The following GCNT4 variants were observed in gnomAD, a reference collection of about 807,000 sequenced individuals.
GCNT4 encodes the protein glucosaminyl (N-acetyl) transferase 4.
GCNT4 carries 17 observed loss-of-function variants against 31.3 expected under a neutral mutation model. The observed-to-expected ratio is 0.54, with a 90% confidence interval of 0.37 to 0.81. The LOEUF (loss-of-function observed/expected upper bound fraction) is 0.81. Among genes scored for constraint, GCNT4 ranks in the 40% least tolerant of loss-of-function variants. The pLI is 0.00. For synonymous variants in GCNT4, 158 were observed against 190.6 expected, an observed-to-expected ratio of 0.83 and a Z score of 1.41; for missense variants, 503 against 525.5, an observed-to-expected ratio of 0.96 and a Z score of 0.42.
chr5:75,041,005 A>T (rs1743303748), intron 3 of GCNT4, among the ~76,000 whole-genome samples: 1 of 152,208 alleles, frequency 6.6e-6, no homozygotes, highest in African/African-American at 2.4e-5. Flanking sequence ...GTTATTTAAA[A>T]GACAGCCAAG....
chr5:75,032,558 C>T (rs1446483578), intron 3 of GCNT4, among the ~76,000 whole-genome samples: 2 of 152,204 alleles, frequency 1.3e-5, no homozygotes, highest in Non-Finnish European at 2.9e-5. Context: ...TCCATCCTTT[C>T]TTCTCCATCC....
Position 75,029,915 on chromosome 5 carries a change from T to G in GCNT4, c.123A>C (p.Lys41Asn), listed in dbSNP as rs1743025752. 6.2e-7 allele frequency: 1 copy of G among 1,614,064 alleles called. No individual in the cohort carries two copies. The highest frequency in any genetic ancestry group is 8.5e-7 in the Non-Finnish European group (1 of 1,180,026). ...GGGAGTACTCAACCAAGTAAATGTC[T>G]TTTTGCGGAAAGAGTCGTCTCACAT... ...LLNVRRLFPQKDIYLVEYSLS... is the reference protein window; with the variant it reads ...LLNVRRLFPQNDIYLVEYSLS... The change falls in exon 4 of 4, where the codon AAA becomes AAC. Residue 41 changes from lysine (K) to asparagine (N), a missense_variant. Coordinates refer to ENST00000652361, the MANE Select transcript of GCNT4 (RefSeq NM_001366737.1).
chr5:75,032,811 T>C (rs1743093921), intron 3 of GCNT4, among the ~76,000 whole-genome samples: 1 of 151,064 alleles, frequency 6.6e-6, no homozygotes, highest in Non-Finnish European at 1.5e-5. Flanking sequence ...TCCAGAAGCC[T>C]GGGCACATGT....
intron 3 of GCNT4, among the ~76,000 whole-genome samples, chr5:75,031,845 A>G (rs572105861): frequency 5.3e-5 from 8 of 152,316 alleles, no homozygotes; most frequent in African/African-American, 1.9e-4. Context: ...GAAAGCTGGC[A>G]GAGCTCCTAG....
At chr5:75,042,794 C>T (rs907994797) in intron 3 of GCNT4, among the ~76,000 whole-genome samples, 2 of 152,198 alleles carry the variant, frequency 1.3e-5, no homozygotes, top group African/African-American at 2.4e-5. Context: ...GGATTGGCAG[C>T]TCTTGGCATG....
At chr5:75,023,400 A>G (rs1742903415), downstream of GCNT4, among the ~76,000 whole-genome samples, 1 of 152,204 alleles carries the variant, frequency 6.6e-6, no homozygotes, top group South Asian at 2.1e-4. Context: ...CATGAAAAAC[A>G]ATCAATTAAA....
intron 3 of GCNT4, among the ~76,000 whole-genome samples, chr5:75,033,169 A>C (rs181130361): frequency 6.6e-6 from 1 of 152,306 alleles, no homozygotes; most frequent in Admixed American, 6.5e-5. Flanking sequence ...TTCACACTTA[A>C]ATAAAAAAGA....
upstream of GCNT4, among the ~76,000 whole-genome samples, chr5:75,053,688 G>A (rs888189095): frequency 1.3e-5 from 2 of 152,036 alleles, no homozygotes; most frequent in African/African-American, 4.8e-5. Flanking sequence ...GTGGGAGAGC[G>A]CTGAGCGGCC....
downstream of GCNT4, among the ~76,000 whole-genome samples, chr5:75,024,540 A>G (rs1742919244): frequency 6.6e-6 from 1 of 152,144 alleles, no homozygotes; most frequent in Admixed American, 6.5e-5. Context: ...GGGGTTGATG[A>G]TAACAAATAC....
chr5:75,034,154 C>A (rs537862667), intron 3 of GCNT4, among the ~76,000 whole-genome samples: 4 of 152,314 alleles, frequency 2.6e-5, no homozygotes, highest in Admixed American at 2.0e-4. Flanking sequence ...TTCCCAGCTG[C>A]GGTGGGCACT....
At chr5:75,020,925 T>C (rs1329570879), downstream of GCNT4, among the ~76,000 whole-genome samples, 2 of 151,506 alleles carry the variant, frequency 1.3e-5, no homozygotes, top group African/African-American at 2.4e-5. Context: ...TTGGGATTCA[T>C]CATGCTCTTC....
chr5:75,043,875 T>C (rs935228857), intron 3 of GCNT4, among the ~76,000 whole-genome samples: 1 of 152,230 alleles, frequency 6.6e-6, no homozygotes, highest in Non-Finnish European at 1.5e-5. Flanking sequence ...TTCCTATATA[T>C]AGCCAAGTGC....
At chr5:75,031,710 A>C (rs992109528) in intron 3 of GCNT4, among the ~76,000 whole-genome samples, 1 of 152,186 alleles carries the variant, frequency 6.6e-6, no homozygotes, top group South Asian at 2.1e-4. Flanking sequence ...TATCATTTGC[A>C]TTTAAAAATG....
At chr5:75,034,834 G>A (rs1018336353) in intron 3 of GCNT4, among the ~76,000 whole-genome samples, 1 of 152,250 alleles carries the variant, frequency 6.6e-6, no homozygotes, top group African/African-American at 2.4e-5. Flanking sequence ...CTCAAACCAT[G>A]TTCTTCTCCC....
intron 3 of GCNT4, among the ~76,000 whole-genome samples, chr5:75,044,064 G>A (rs1411167408): frequency 6.6e-6 from 1 of 152,154 alleles, no homozygotes; most frequent in African/African-American, 2.4e-5. Flanking sequence ...TTCAGCTGAT[G>A]GCAAACTTCC....
At chr5:75,041,958 TAAAGA>T (rs1404117381) in intron 3 of GCNT4, among the ~76,000 whole-genome samples, 1 of 152,234 alleles carries the variant, frequency 6.6e-6, no homozygotes, top group African/African-American at 2.4e-5. Flanking sequence ...AGTTTTTCTC[TAAAGA>T]AAATTCTAAA....
chr5:75,024,808 G>A (rs1253036091), downstream of GCNT4, among the ~76,000 whole-genome samples: 3 of 151,968 alleles, frequency 2.0e-5, no homozygotes, highest in Non-Finnish European at 4.4e-5. Context: ...AAAATTAGTT[G>A]GGCATGGTGG....
intron 3 of GCNT4, among the ~76,000 whole-genome samples, chr5:75,031,487 T>C (rs1361585622): frequency 6.6e-6 from 1 of 152,212 alleles, no homozygotes; most frequent in Non-Finnish European, 1.5e-5. Context: ...AGAGATTATA[T>C]TTCAATGAGT....
chr5:75,046,910 T>C (rs1743451962), intron 3 of GCNT4, among the ~76,000 whole-genome samples: 2 of 152,312 alleles, frequency 1.3e-5, no homozygotes, highest in Non-Finnish European at 2.9e-5. Context: ...AATCCTTAAG[T>C]GAAATGAGAA....
Sources: gnomAD v4.1 joint callset for allele counts (sites outside exome capture counted in the v4.1 genomes callset) on GRCh38, gnomAD v4.1.1 for gene constraint, MANE v1.5 for transcripts, NCBI Gene and HGNC (gene_info 2026-07-23, HGNC 2026-07-21) for gene names.